PDLIM2: variants seen among roughly 807,000 people sequenced by gnomAD.
The protein encoded by PDLIM2 is PDZ and LIM domain protein 2.
In PDLIM2, 51 loss-of-function variants were observed where a neutral mutation model predicts 54.1. That is an observed-to-expected ratio of 0.94 (90% confidence interval 0.75 to 1.19). The LOEUF (loss-of-function observed/expected upper bound fraction) is 1.19. Ranked by LOEUF, PDLIM2 falls within the 50% of genes most tolerant of loss-of-function variation. The pLI, the probability that PDLIM2 is intolerant of heterozygous loss-of-function variation, is 0.00. For missense variants in PDLIM2, 912 were observed against 874.0 expected (o/e 1.04, Z -0.55); for synonymous variants, 398 against 385.6 (o/e 1.03, Z -0.38).
intron 3 of PDLIM2, among the ~76,000 whole-genome samples, chr8:22,581,976 G>C (rs1266586670): frequency 6.6e-6 from 1 of 152,218 alleles, no homozygotes. Context: ...GACTTGGGGG[G>C]CTCATTCCTC....
At chr8:22,580,686 A>G in exon 2 of PDLIM2, 4 of 1,613,960 alleles carry the variant, frequency 2.5e-6, no homozygotes, top group South Asian at 2.2e-5. Context: ...CACGCCCATC[A>G]TGGTGACTAA....
At chr8:22,594,228 G>A (rs1800634527) in exon 10 of PDLIM2, 7 of 1,395,800 alleles carry the variant, frequency 5.0e-6, no homozygotes. Context: ...GTGGGCCAGG[G>A]GCTAATGGTG....
intron 2 of PDLIM2, 147 bp from the exon 2 acceptor site, chr8:22,581,232 T>C: frequency 9.8e-7 from 1 of 1,020,372 alleles, no homozygotes; most frequent in Non-Finnish European, 1.4e-6. Context: ...GCTGATCAGC[T>C]GGGTGTCATG....
intron 9 of PDLIM2, chr8:22,592,828 A>G (rs1339370587): frequency 6.6e-6 from 1 of 152,226 alleles, no homozygotes; most frequent in East Asian, 1.9e-4. Context: ...AATCCAGGCA[A>G]TGTGGGACGG....
At position 22,591,684 on chromosome 8, in the gene PDLIM2, G is replaced by A. The variant is rs368846956; in HGVS notation, c.1631+16G>A. 1.2e-4 allele frequency: 195 copies of A among 1,597,790 alleles called. No individual in the cohort carries two copies. The highest frequency in any genetic ancestry group is 1.6e-4 in the Non-Finnish European group (190 of 1,170,498). ...CCAGCATCGCGTGAGTGTGGAGGGG[G>A]GTGGGGGACCTGAGCCTTCACAGGG... On this transcript the variant is annotated intron_variant, in intron 9 of 9. Transcript: ENST00000308354.
chr8:22,580,131 A>C (rs1800146198), intron 1 of PDLIM2: 1 of 237,294 alleles, frequency 4.2e-6, no homozygotes, highest in African/African-American at 2.3e-5. Context: ...CTGCTTCCTG[A>C]GCCCTGCTCT....
chr8:22,592,897 A>G (rs1020171936), intron 9 of PDLIM2: 4 of 152,226 alleles, frequency 2.6e-5, no homozygotes, highest in Admixed American at 6.5e-5. Context: ...TATTTTTAAT[A>G]GAGTTTCACT....
chr8:22,594,483 G>C, downstream of PDLIM2: 1 of 1,613,146 alleles, frequency 6.2e-7, no homozygotes, highest in Non-Finnish European at 8.5e-7. Context: ...TTTAGGTTGG[G>C]AGTCATGTCA....
At chr8:22,593,915 G>A (rs186534297) in exon 10 of PDLIM2, 84 of 1,547,756 alleles carry the variant, frequency 5.4e-5, no homozygotes, top group South Asian at 3.5e-4. Flanking sequence ...GCCTGAGCCC[G>A]CCATGCCCTC....
chr8:22,585,059 T>C (rs1278988906), exon 5 of PDLIM2: 1 of 1,613,876 alleles, frequency 6.2e-7, no homozygotes, highest in South Asian at 1.1e-5. Flanking sequence ...CTCCTTAAGG[T>C]CCTCCTACTC....
At chr8:22,582,460 CTCGGA>C in intron 3 of PDLIM2, among the ~76,000 whole-genome samples, 1 of 152,218 alleles carries the variant, frequency 6.6e-6, no homozygotes, top group East Asian at 1.9e-4. Context: ...GGGCAGGAGC[CTCGGA>C]CTGTCTCTTC....
chr8:22,597,406 T>A (rs1322055909), downstream of PDLIM2: 1 of 152,330 alleles, frequency 6.6e-6, no homozygotes, highest in African/African-American at 2.4e-5. Context: ...TCCTCTGAGC[T>A]GGTCCTGGGC....
chr8:22,593,695 G>A (rs1800616245), intron 9 of PDLIM2, 38 bp from the exon 9 acceptor site: 1 of 1,534,330 alleles, frequency 6.5e-7, no homozygotes, highest in Non-Finnish European at 8.8e-7. Context: ...CCTGCTTGGT[G>A]CTGTGGCTCT....
chr8:22,590,520 A>G (rs1800512979), intron 8 of PDLIM2: 1 of 152,284 alleles, frequency 6.6e-6, no homozygotes, highest in South Asian at 2.1e-4. Flanking sequence ...CTACTCCCAC[A>G]GCCCCTGTCC....
exon 3 of PDLIM2, chr8:22,581,432 C>T (rs558468530): frequency 3.8e-5 from 61 of 1,608,320 alleles, no homozygotes; most frequent in African/African-American, 3.5e-4. Flanking sequence ...GAGACATAAT[C>T]GTGGCCATCA....
chr8:22,579,509 T>G, exon 1 of PDLIM2: 3 of 1,503,774 alleles, frequency 2.0e-6, no homozygotes, highest in Non-Finnish European at 2.6e-6. Context: ...CAGCGCGGAG[T>G]CCACTGACCG....
chr8:22,580,509 C>G, intron 1 of PDLIM2: 1 of 1,599,112 alleles, frequency 6.3e-7, no homozygotes, highest in Non-Finnish European at 8.5e-7. Context: ...GTGGTGCCCT[C>G]TCCTTCTCCC....
At chr8:22,582,085 G>C (rs957132430) in intron 3 of PDLIM2, among the ~76,000 whole-genome samples, 1 of 152,230 alleles carries the variant, frequency 6.6e-6, no homozygotes, top group African/African-American at 2.4e-5. Flanking sequence ...GGCCAGGGTG[G>C]GGCCTGGAGG....
exon 9 of PDLIM2, chr8:22,591,624 C>T (rs2117366862): frequency 4.3e-6 from 7 of 1,613,384 alleles, no homozygotes; most frequent in Non-Finnish European, 5.9e-6. Context: ...CCCTGGCCAC[C>T]CCTCCCAAGC....
Sources: gnomAD v4.1 joint callset for allele counts (sites outside exome capture counted in the v4.1 genomes callset) on GRCh38, gnomAD v4.1.1 for gene constraint, MANE v1.5 for transcripts, NCBI Gene and HGNC (gene_info 2026-07-23, HGNC 2026-07-21) for gene names.